Variants in SLC35F2 observed in about 807,000 individuals in gnomAD.
SLC35F2 encodes the protein solute carrier family 35 member F2.
In SLC35F2, 25 loss-of-function variants were observed where a neutral mutation model predicts 38.1. The ratio of observed to expected loss-of-function variants is 0.66; its 90% confidence interval spans 0.48 to 0.92. The LOEUF (loss-of-function observed/expected upper bound fraction) is 0.92. Ranked by LOEUF, SLC35F2 falls within the 40% of genes least tolerant of loss-of-function variation. The pLI, the probability that SLC35F2 is intolerant of heterozygous loss-of-function variation, is 0.00. For missense variants in SLC35F2, 409 were observed against 452.9 expected, an observed-to-expected ratio of 0.90 and a Z score of 0.88; for synonymous variants, 173 against 181.7, an observed-to-expected ratio of 0.95 and a Z score of 0.38.
chr11:107,834,347 C>T (rs112348495), intron 1 of SLC35F2, among the ~76,000 whole-genome samples: 99 of 152,178 alleles, frequency 6.5e-4, no homozygotes, highest in African/African-American at 2.3e-3. Context: ...TGCATCCAAA[C>T]GTTGACGAAA....
chr11:107,858,225 G>A (rs547338182), intron 1 of SLC35F2, among the ~76,000 whole-genome samples: 2 of 152,288 alleles, frequency 1.3e-5, no homozygotes, highest in African/African-American at 2.4e-5. Context: ...TTGAATCACC[G>A]CGCCCAGTCT....
intron 6 of SLC35F2, among the ~76,000 whole-genome samples, chr11:107,804,294 T>C (rs1466260623): frequency 6.6e-6 from 1 of 152,158 alleles, no homozygotes. Context: ...TATTTATTTA[T>C]GCAGATGCCT....
chr11:107,813,613 C>T (rs1859517904), intron 2 of SLC35F2, among the ~76,000 whole-genome samples: 1 of 152,154 alleles, frequency 6.6e-6, no homozygotes, highest in African/African-American at 2.4e-5. Context: ...GCCAATGCTT[C>T]CACAAAGAGC....
chr11:107,851,633 T>A (rs1246051336), intron 1 of SLC35F2, among the ~76,000 whole-genome samples: 3 of 151,980 alleles, frequency 2.0e-5, no homozygotes, highest in African/African-American at 7.3e-5. Flanking sequence ...AATTAAGGAT[T>A]CATTCTCAGC....
chr11:107,818,158 A>G (rs1020764511), intron 1 of SLC35F2, among the ~76,000 whole-genome samples: 3 of 152,034 alleles, frequency 2.0e-5, no homozygotes, highest in Admixed American at 6.6e-5. Flanking sequence ...TCAGCTGGGC[A>G]TAGTGGCTCA....
intron 7 of SLC35F2, among the ~76,000 whole-genome samples, chr11:107,793,650 G>A (rs1308410790): frequency 6.6e-6 from 1 of 152,052 alleles, no homozygotes; most frequent in Non-Finnish European, 1.5e-5. Flanking sequence ...TAAAATTTAT[G>A]GTGGACTGAG....
intron 1 of SLC35F2, among the ~76,000 whole-genome samples, chr11:107,846,089 G>C (rs548017516): frequency 6.6e-6 from 1 of 151,762 alleles, no homozygotes; most frequent in Non-Finnish European, 1.5e-5. Context: ...TCTTTATTTG[G>C]GGTCTATTTA....
intron 1 of SLC35F2, among the ~76,000 whole-genome samples, chr11:107,829,828 A>T (rs961015143): frequency 6.6e-6 from 1 of 152,148 alleles, no homozygotes; most frequent in Middle Eastern, 3.2e-3. Context: ...CAATCCCTTC[A>T]ATTATAAACA....
intron 1 of SLC35F2, among the ~76,000 whole-genome samples, chr11:107,819,219 T>A (rs1239139580): frequency 6.6e-6 from 1 of 152,194 alleles, no homozygotes; most frequent in Non-Finnish European, 1.5e-5. Flanking sequence ...TGGTGTTTGT[T>A]CTTAGGGCAT....
intron 7 of SLC35F2, 99 bp downstream of exon 7, chr11:107,802,902 T>C (rs556153): frequency 0.47 from 564,966 of 1,191,440 alleles, 137,292 homozygotes; most frequent in Non-Finnish European, 0.51. Flanking sequence ...GCCAAGAAGA[T>C]GAGAAGGTTT....
chr11:107,852,120 A>T (rs1027119021), intron 1 of SLC35F2, among the ~76,000 whole-genome samples: 1 of 152,084 alleles, frequency 6.6e-6, no homozygotes, highest in African/African-American at 2.4e-5. Context: ...AGACAATAAC[A>T]AGGAGTGTGG....
chr11:107,819,763 C>A (rs989641524), intron 1 of SLC35F2, among the ~76,000 whole-genome samples: 14 of 152,248 alleles, frequency 9.2e-5, no homozygotes, highest in African/African-American at 3.4e-4. Context: ...TTCCGATTTC[C>A]CTATATTTCA....
chr11:107,843,862 AAAAAAAATATATATATATATATATATAT>A (rs1327446211), intron 1 of SLC35F2, among the ~76,000 whole-genome samples: 7 of 37,204 alleles, frequency 1.9e-4, no homozygotes, highest in African/African-American at 6.9e-4. Context: ...AAAAAAAAAA[AAAAAAAATATATATATATATATATATAT>A]ATATATATAT....
In SLC35F2 at chr11:107,804,627, G is replaced by A. The variant is rs768388128; in HGVS notation, c.784+91C>T. 1.5e-4 allele frequency: 141 copies of A among 966,544 alleles called. 1 individual carries two copies. The highest frequency in any genetic ancestry group is 7.5e-4 in the South Asian group (51 of 67,612). 59.9% of individuals were successfully genotyped at this position (966,544 alleles called of 1,614,324 possible). ...AATCACTCCTGGATTTTACAAAGAC[G>A]TCTAAATATTATTAAAATAAAGCAC... On this transcript the variant is annotated intron_variant, in intron 6 of 7. Transcript: ENST00000525815.
intron 3 of SLC35F2, chr11:107,810,921 T>G (rs769577949): frequency 6.7e-5 from 66 of 978,950 alleles, no homozygotes; most frequent in Non-Finnish European, 7.4e-5. Context: ...GTTATAAACT[T>G]CAAATCCCAC....
At chr11:107,851,090 C>T (rs1467511522) in intron 1 of SLC35F2, among the ~76,000 whole-genome samples, 3 of 151,798 alleles carry the variant, frequency 2.0e-5, no homozygotes, top group African/African-American at 7.3e-5. Flanking sequence ...TGGTGAAACC[C>T]CATCTCTACT....
chr11:107,812,447 G>T (rs1404373016), intron 2 of SLC35F2, among the ~76,000 whole-genome samples: 2 of 152,034 alleles, frequency 1.3e-5, no homozygotes, highest in Non-Finnish European at 2.9e-5. Context: ...TGAGGTGAGG[G>T]CAGAGGACAG....
intron 1 of SLC35F2, among the ~76,000 whole-genome samples, chr11:107,845,427 T>C (rs1423017281): frequency 3.4e-5 from 5 of 149,160 alleles, no homozygotes; most frequent in Admixed American, 2.7e-4. Flanking sequence ...AGGCTGAGGC[T>C]GGAGGATTGC....
intron 1 of SLC35F2, among the ~76,000 whole-genome samples, chr11:107,852,304 C>T (rs1860199545): frequency 6.6e-6 from 1 of 152,200 alleles, no homozygotes; most frequent in South Asian, 2.1e-4. Context: ...GTAATCCCAA[C>T]ACTTTGGGAG....
Sources: allele counts gnomAD v4.1 joint callset (sites outside exome capture counted in the v4.1 genomes callset), GRCh38; gene constraint gnomAD v4.1.1; transcripts MANE v1.5; gene names NCBI Gene and HGNC (gene_info 2026-07-23, HGNC 2026-07-21).